Variants in NSMAF observed in about 807,000 individuals in gnomAD.
NSMAF encodes neutral sphingomyelinase activation associated factor.
A neutral mutation model predicts 134.9 loss-of-function variants in NSMAF; 90 were observed. The observed-to-expected ratio is 0.67, with a 90% CI of 0.56 to 0.79. The LOEUF (loss-of-function observed/expected upper bound fraction) is 0.79. Among genes scored for constraint, NSMAF ranks in the 30% least tolerant of loss-of-function variants. The pLI is 0.00. For synonymous variants in NSMAF, 358 were observed against 389.6 expected (o/e 0.92, Z 0.96); for missense variants, 1,010 against 1,119.0 (o/e 0.90, Z 1.39).
At chr8:58,657,429 G>A (rs564960364) in intron 1 of NSMAF, among the ~76,000 whole-genome samples, 6 of 148,512 alleles carry the variant, frequency 4.0e-5, no homozygotes, top group South Asian at 2.1e-4. Context: ...ATTTTCCTGG[G>A]TATGCTGGAG....
At chr8:58,640,644 G>A (rs893026626) in intron 2 of NSMAF, among the ~76,000 whole-genome samples, 5 of 151,934 alleles carry the variant, frequency 3.3e-5, no homozygotes, top group African/African-American at 1.2e-4. Flanking sequence ...TTATTATATT[G>A]TAAAGTTGAT....
intron 9 of NSMAF, among the ~76,000 whole-genome samples, chr8:58,621,167 T>G (rs1806780067): frequency 6.6e-6 from 1 of 152,192 alleles, no homozygotes. Flanking sequence ...TACTCAATGT[T>G]CAGTTCCTAC....
intron 2 of NSMAF, 68 bp downstream of exon 2, chr8:58,642,916 C>T (rs1807368054): frequency 8.6e-7 from 1 of 1,158,094 alleles, no homozygotes; most frequent in East Asian, 2.3e-5. Context: ...TATGATCACA[C>T]ATTTAACTTT....
At chr8:58,634,366 G>A (rs1056704165) in intron 5 of NSMAF, among the ~76,000 whole-genome samples, 3 of 152,200 alleles carry the variant, frequency 2.0e-5, no homozygotes, top group Non-Finnish European at 4.4e-5. Context: ...CTGGGAGCAT[G>A]CTCTTCCCCT....
At chr8:58,626,979 T>A (rs192348814) in intron 6 of NSMAF, among the ~76,000 whole-genome samples, 3 of 152,346 alleles carry the variant, frequency 2.0e-5, no homozygotes, top group African/African-American at 7.2e-5. Context: ...CATTTTTTCA[T>A]ATGTTTGCTA....
At position 58,599,250 on chromosome 8, in the gene NSMAF, C is replaced by T; in HGVS notation, c.1567G>A (p.Ala523Thr). The T allele has an allele frequency of 6.2e-7, 1 of 1,613,774 alleles. No individual in the cohort carries two copies. Among genetic ancestry groups the T allele is most frequent in the Non-Finnish European group, 8.5e-7 (1 of 1,179,738 alleles). The change falls in exon 19 of 31, where the codon GCA becomes ACA. Residue 523 changes from alanine to threonine, a missense_variant. Ala to Thr is a moderately conservative substitution (Grantham distance 58). Coordinates refer to ENST00000038176, the MANE Select transcript of NSMAF (RefSeq NM_003580.4). ...IFGYKQKGSD[A>T]VGAHNVFHPL... is the part of the protein sequence containing the mutation. ...TACATACCATTATGGGCCCCAACTG[C>T]ATCACTCCCTTTTTGTTTGTAGCCA... is the stretch of plus-strand genomic sequence containing the variant.
chr8:58,656,144 A>G (rs997614697), intron 1 of NSMAF, among the ~76,000 whole-genome samples: 24 of 151,586 alleles, frequency 1.6e-4, no homozygotes, highest in Non-Finnish European at 3.2e-4. Flanking sequence ...TCAGTCTCCC[A>G]AGTAGCTGGG....
chr8:58,636,467 C>T (rs564836004), intron 2 of NSMAF, among the ~76,000 whole-genome samples: 1 of 152,220 alleles, frequency 6.6e-6, no homozygotes, highest in Non-Finnish European at 1.5e-5. Flanking sequence ...CATCCAGAGG[C>T]ACCCAGAGGA....
At chr8:58,630,643 C>T (rs1585753146) in intron 6 of NSMAF, among the ~76,000 whole-genome samples, 1 of 152,138 alleles carries the variant, frequency 6.6e-6, no homozygotes, top group Admixed American at 6.5e-5. Flanking sequence ...GACAGCCCCA[C>T]ACAATAAAGA....
chr8:58,612,077 C>A (rs1208467005), intron 9 of NSMAF, among the ~76,000 whole-genome samples: 2 of 152,306 alleles, frequency 1.3e-5, no homozygotes, highest in East Asian at 3.9e-4. Flanking sequence ...TGATTCCTGA[C>A]ATAGACCTCC....
intron 9 of NSMAF, among the ~76,000 whole-genome samples, chr8:58,621,811 C>T (rs1806793331): frequency 6.6e-6 from 1 of 152,026 alleles, no homozygotes; most frequent in Non-Finnish European, 1.5e-5. Flanking sequence ...ATGACCTTGG[C>T]CTACTTTTTA....
intron 1 of NSMAF, among the ~76,000 whole-genome samples, chr8:58,650,986 C>A (rs1807569036): frequency 6.6e-6 from 1 of 152,170 alleles, no homozygotes; most frequent in Non-Finnish European, 1.5e-5. Context: ...TATCTTTGTT[C>A]CTCTTTCCAA....
rs752181856 is a variant in NSMAF at position 58,584,202 on chromosome 8, TGA to T, written c.2660-4_2660-3del. 5.6e-6 allele frequency: 9 copies of T among 1,611,172 alleles called. No homozygotes were observed. In the East Asian group the frequency reaches 1.6e-4, roughly 28 times the overall value. On this transcript the variant is annotated splice_region_variant and splice_polypyrimidine_tract_variant and intron_variant, in intron 30 of 30. Coordinates refer to ENST00000038176, the MANE Select transcript of NSMAF (RefSeq NM_003580.4). ...TCATCCATATACATGTCACAGCACC[TGA>T]GAGAAAGACATTTTGGTTAGTTAGG...
In NSMAF at chr8:58,640,814, G is replaced by A. The variant is rs1209670441; in HGVS notation, c.149+2170C>T. On this transcript the variant is annotated intron_variant, in intron 2 of 30. Transcript: ENST00000038176. ...TGGCCACAAGAGATCGTACTGTACT[G>A]CCTTGGCTTACTAAAGTGCTGGGAT... 3.3e-5 allele frequency among the ~76,000 whole-genome samples: 5 copies of A among 152,054 alleles called. No homozygotes were observed. The South Asian group carries it at 6.2e-4, about 19-fold the overall frequency.
At chr8:58,602,730 AAGAGT>A (rs1806312938) in intron 13 of NSMAF, among the ~76,000 whole-genome samples, 1 of 152,212 alleles carries the variant, frequency 6.6e-6, no homozygotes, top group Non-Finnish European at 1.5e-5. Flanking sequence ...GTAGCAAGAG[AAGAGT>A]AGATATACCC....
chr8:58,656,418 C>A (rs557492291), intron 1 of NSMAF, among the ~76,000 whole-genome samples: 3 of 152,326 alleles, frequency 2.0e-5, no homozygotes, highest in East Asian at 3.9e-4. Context: ...TAAATGGCAC[C>A]ACTTTATAGT....
At chr8:58,645,954 T>C (rs751154104) in intron 1 of NSMAF, among the ~76,000 whole-genome samples, 11 of 152,050 alleles carry the variant, frequency 7.2e-5, no homozygotes, top group Non-Finnish European at 1.3e-4. Context: ...GGCAGGAGAA[T>C]TGCTTGAACC....
At chr8:58,628,349 C>A (rs1451855596) in intron 6 of NSMAF, among the ~76,000 whole-genome samples, 1 of 152,054 alleles carries the variant, frequency 6.6e-6, no homozygotes, top group African/African-American at 2.4e-5. Context: ...CTGTGGTTAC[C>A]ATGGGTCTTA....
rs533458858 is a variant in NSMAF, at chr8:58,603,105, C to T, written c.1045+105G>A. Reference sequence around the variant, plus strand: ...ACTGAAATGAGTTGTAATTTGTTCACATGTCACATCACAATTATAAAATAG... The same window carrying T: ...ACTGAAATGAGTTGTAATTTGTTCATATGTCACATCACAATTATAAAATAG... On this transcript the variant is annotated intron_variant, in intron 13 of 30. Coordinates refer to ENST00000038176, the MANE Select transcript of NSMAF (RefSeq NM_003580.4). The T allele has an allele frequency of 8.9e-6, 10 of 1,118,138 alleles. No individual in the cohort carries two copies. In the African/African-American group the frequency reaches 9.2e-5, roughly 10 times the overall value. The allele number at this position is 1,118,138 out of a possible 1,614,324, so 69.3% of individuals were successfully genotyped here. A position where few individuals can be genotyped will look rare whatever the true frequency, so the allele number is the denominator to read the frequency against.
Sources: allele counts gnomAD v4.1 joint callset (sites outside exome capture counted in the v4.1 genomes callset), GRCh38; gene constraint gnomAD v4.1.1; transcripts MANE v1.5; gene names NCBI Gene and HGNC (gene_info 2026-07-23, HGNC 2026-07-21).